GPHN: variants seen among roughly 807,000 people sequenced by gnomAD.
The protein encoded by GPHN is gephyrin.
GPHN carries 17 observed loss-of-function variants against 95.5 expected under a neutral mutation model. The ratio of observed to expected loss-of-function variants is 0.18; its 90% CI spans 0.12 to 0.27. The LOEUF (loss-of-function observed/expected upper bound fraction) is 0.27. GPHN is among the 10% of genes least tolerant of loss of function. GPHN has a pLI of 1.00. For synonymous variants in GPHN, 320 were observed against 322.5 expected (o/e 0.99, Z 0.08); for missense variants, 660 against 978.1 (o/e 0.67, Z 4.34).
chr14:67,096,011 C>T (rs1372702381), intron 12 of GPHN, among the ~76,000 whole-genome samples: 3 of 149,300 alleles, frequency 2.0e-5, no homozygotes, highest in African/African-American at 7.5e-5. Flanking sequence ...AGACCTTGTC[C>T]CAGCCCTACT....
chr14:66,658,548 A>T (rs1436399745), intron 1 of GPHN, among the ~76,000 whole-genome samples: 1 of 152,178 alleles, frequency 6.6e-6, no homozygotes, highest in Non-Finnish European at 1.5e-5. Flanking sequence ...CACCATGATG[A>T]GTTAGCAGCC....
chr14:66,534,669 T>TA (rs1348145375), intron 1 of GPHN, among the ~76,000 whole-genome samples: 7 of 152,166 alleles, frequency 4.6e-5, no homozygotes, highest in African/African-American at 1.7e-4. Context: ...ACCAGCAATG[T>TA]AGGAGGGTTT....
At chr14:67,214,790 A>G in the GPHN span, among the ~76,000 whole-genome samples, 1,040 of 152,234 alleles carry the variant, frequency 6.8e-3, 17 homozygotes, top group African/African-American at 0.024. Context: ...GATTCTTCCT[A>G]TCCATGAGCA....
intron 2 of GPHN, among the ~76,000 whole-genome samples, chr14:66,709,955 T>C (rs1160167717): frequency 1.3e-5 from 2 of 151,842 alleles, no homozygotes; most frequent in Admixed American, 6.6e-5. Flanking sequence ...AGAAGTTGTT[T>C]GTGAAATAAT....
At chr14:66,580,943 A>T (rs527389154) in intron 1 of GPHN, among the ~76,000 whole-genome samples, 1 of 151,942 alleles carries the variant, frequency 6.6e-6, no homozygotes, top group East Asian at 1.9e-4. Flanking sequence ...CCAATACATG[A>T]AAAACATCAT....
the GPHN span, among the ~76,000 whole-genome samples, chr14:67,496,197 A>C: frequency 6.6e-6 from 1 of 152,038 alleles, no homozygotes; most frequent in Non-Finnish European, 1.5e-5. Context: ...TCTTATTATT[A>C]TTTTTAAAAA....
intron 1 of GPHN, among the ~76,000 whole-genome samples, chr14:66,518,509 A>T (rs2058345510): frequency 6.6e-6 from 1 of 152,172 alleles, no homozygotes; most frequent in African/African-American, 2.4e-5. Flanking sequence ...AGAAAAGGAA[A>T]TCAGTATATG....
intron 16 of GPHN, among the ~76,000 whole-genome samples, chr14:67,121,080 G>C (rs1180247905): frequency 1.3e-5 from 2 of 152,140 alleles, no homozygotes; most frequent in Non-Finnish European, 2.9e-5. Context: ...CATATTAGTA[G>C]CTAAAACATC....
At chr14:66,560,238 C>T (rs1185017891) in intron 1 of GPHN, among the ~76,000 whole-genome samples, 2 of 152,020 alleles carry the variant, frequency 1.3e-5, no homozygotes, top group Non-Finnish European at 2.9e-5. Flanking sequence ...TTTTTGGTTC[C>T]ATATGAACTT....
At chr14:66,535,295 T>G (rs1053862870) in intron 1 of GPHN, among the ~76,000 whole-genome samples, 1 of 152,136 alleles carries the variant, frequency 6.6e-6, no homozygotes, top group Non-Finnish European at 1.5e-5. Context: ...CAGGTGAGTC[T>G]TACTAGAGTG....
intron 8 of GPHN, among the ~76,000 whole-genome samples, chr14:66,951,210 C>T (rs897177415): frequency 1.4e-4 from 22 of 151,840 alleles, no homozygotes; most frequent in South Asian, 6.2e-4. Context: ...AAGTGGTGTG[C>T]GTGTGTTTAA....
intron 1 of GPHN, among the ~76,000 whole-genome samples, chr14:66,536,564 C>T (rs1434459808): frequency 7.4e-6 from 1 of 135,290 alleles, no homozygotes; most frequent in Non-Finnish European, 1.5e-5. Flanking sequence ...TGTTTGTTAG[C>T]CTTGTAAAAA....
At chr14:66,775,859 C>T (rs1002910480) in intron 2 of GPHN, among the ~76,000 whole-genome samples, 4 of 152,102 alleles carry the variant, frequency 2.6e-5, no homozygotes, top group Non-Finnish European at 5.9e-5. Context: ...CTGTAACTCC[C>T]GAATTCTCAT....
chr14:67,412,798 T>C, the GPHN span, among the ~76,000 whole-genome samples: 1 of 152,180 alleles, frequency 6.6e-6, no homozygotes, highest in Non-Finnish European at 1.5e-5. Flanking sequence ...AGGGTCTTTC[T>C]CTGTCACCCA....
intron 1 of GPHN, among the ~76,000 whole-genome samples, chr14:66,570,295 CTTTT>C (rs535461102): frequency 1.0e-5 from 1 of 100,104 alleles, no homozygotes; most frequent in Non-Finnish European, 1.9e-5. Context: ...ATTTCATGTA[CTTTT>C]TTTTTTTTTT....
intron 11 of GPHN, among the ~76,000 whole-genome samples, chr14:67,063,682 T>G (rs1739234631): frequency 6.6e-6 from 1 of 152,216 alleles, no homozygotes; most frequent in African/African-American, 2.4e-5. Context: ...TATTTTATTC[T>G]CTTTGTATCA....
the GPHN span, among the ~76,000 whole-genome samples, chr14:67,493,504 G>A: frequency 5.9e-5 from 9 of 152,276 alleles, no homozygotes; most frequent in East Asian, 7.7e-4. Context: ...GACACAGGCC[G>A]CACCCTTCTG....
intron 1 of GPHN, among the ~76,000 whole-genome samples, chr14:66,546,523 C>T (rs998741373): frequency 1.3e-5 from 2 of 152,212 alleles, no homozygotes; most frequent in Admixed American, 6.5e-5. Context: ...AATCCCGGCA[C>T]CTCGGGAGGC....
intron 1 of GPHN, among the ~76,000 whole-genome samples, chr14:66,547,870 G>GA (rs1168045750): frequency 6.6e-6 from 1 of 152,104 alleles, no homozygotes; most frequent in East Asian, 1.9e-4. Context: ...TTAAAAATGA[G>GA]ATAATAAATA....
Sources: allele counts gnomAD v4.1 joint callset (sites outside exome capture counted in the v4.1 genomes callset), GRCh38; gene constraint gnomAD v4.1.1; transcripts MANE v1.5; gene names NCBI Gene and HGNC (gene_info 2026-07-23, HGNC 2026-07-21).